Variants in AGTPBP1 observed in about 807,000 individuals in gnomAD.
AGTPBP1 encodes cytosolic carboxypeptidase 1.
AGTPBP1 carries 70 observed loss-of-function variants against 143.9 expected under a neutral mutation model. The ratio of observed to expected loss-of-function variants is 0.49; its 90% CI spans 0.40 to 0.59. The LOEUF is 0.59. AGTPBP1 is among the 20% of genes least tolerant of loss of function. AGTPBP1 has a pLI of 0.00. For missense variants in AGTPBP1, 1,229 were observed against 1,464.5 expected, an observed-to-expected ratio of 0.84 and a Z score of 2.62; for synonymous variants, 463 against 500.2, an observed-to-expected ratio of 0.93 and a Z score of 0.99.
At chr9:85,720,647 GTC>G (rs1011380238) in intron 1 of AGTPBP1, among the ~76,000 whole-genome samples, 3 of 150,986 alleles carry the variant, frequency 2.0e-5, no homozygotes, top group South Asian at 4.2e-4. Flanking sequence ...GATTTTTTGT[GTC>G]TCTCTCTCTC....
At chr9:85,726,229 CAA>C (rs142765681) in intron 1 of AGTPBP1, among the ~76,000 whole-genome samples, 1 of 123,088 alleles carries the variant, frequency 8.1e-6, no homozygotes. Flanking sequence ...GACTCTGTCT[CAA>C]AAAAAAAAAA....
chr9:85,669,633 G>C, intron 7 of AGTPBP1, 55 bp from the exon 8 acceptor site: 1 of 1,215,670 alleles, frequency 8.2e-7, no homozygotes, highest in Non-Finnish European at 1.2e-6. Flanking sequence ...AACCAAAAAT[G>C]TGTATACTTA....
At chr9:85,633,399 T>G (rs766710516) in intron 13 of AGTPBP1, 25 bp from the exon 14 acceptor site, 1 of 1,460,528 alleles carries the variant, frequency 6.8e-7, no homozygotes, top group Admixed American at 2.4e-5. Context: ...ACATGTTTAA[T>G]CTTTTAACTG....
chr9:85,771,164 A>G, the AGTPBP1 span, among the ~76,000 whole-genome samples: 1 of 152,216 alleles, frequency 6.6e-6, no homozygotes, highest in African/African-American at 2.4e-5. Flanking sequence ...ATTTATGGGA[A>G]TATCAGACAA....
chr9:85,624,913 T>C (rs1026344931), intron 14 of AGTPBP1, among the ~76,000 whole-genome samples: 3 of 152,200 alleles, frequency 2.0e-5, no homozygotes, highest in African/African-American at 2.4e-5. Context: ...ACAAGCACCT[T>C]GTTTATTTCA....
chr9:85,730,757 T>C lies in AGTPBP1; in HGVS notation c.-34+11018A>G, dbSNP rs139697115. ...GCACTCTATCTTAGTCCTGGGATAG[T>C]CACTGCTCCTTATATCTGCTATTCC... On this transcript the variant is annotated intron_variant, in intron 1 of 25. Coordinates refer to ENST00000357081, the MANE Select transcript of AGTPBP1 (RefSeq NM_001330701.2). Among the ~76,000 whole-genome samples the C allele has an allele frequency of 4.1e-3, 621 of 152,306 alleles. 4 individuals carry two copies. Among genetic ancestry groups the C allele is most frequent in the African/African-American group, 0.014 (577 of 41,578 alleles).
chr9:85,684,960 C>G (rs1587897786), intron 3 of AGTPBP1, among the ~76,000 whole-genome samples: 1 of 151,060 alleles, frequency 6.6e-6, no homozygotes. Context: ...GCAAAAGAAC[C>G]AAGTGCACAC....
At chr9:85,665,689 C>T (rs1834088317) in intron 8 of AGTPBP1, among the ~76,000 whole-genome samples, 1 of 152,100 alleles carries the variant, frequency 6.6e-6, no homozygotes, top group Non-Finnish European at 1.5e-5. Flanking sequence ...CTGACAGTTT[C>T]TAATCCTAAA....
intron 18 of AGTPBP1, among the ~76,000 whole-genome samples, chr9:85,595,455 T>G (rs770993844): frequency 3.9e-5 from 6 of 152,156 alleles, no homozygotes; most frequent in Non-Finnish European, 7.3e-5. Flanking sequence ...CCTCGAGTAC[T>G]TAGAGGTGGA....
chr9:85,758,114 C>CAA, the AGTPBP1 span, among the ~76,000 whole-genome samples: 8,795 of 152,172 alleles, frequency 0.058, 252 homozygotes, highest in Non-Finnish European at 0.064. Context: ...GCTGTTACCA[C>CAA]AAATCTTATC....
intron 2 of AGTPBP1, among the ~76,000 whole-genome samples, chr9:85,711,074 C>A (rs62570590): frequency 0.015 from 2,252 of 152,180 alleles, 25 homozygotes; most frequent in Middle Eastern, 0.037. Flanking sequence ...ACAGATTTAA[C>A]GCATACCAAT....
At chr9:85,632,073 T>C (rs1267284728) in intron 14 of AGTPBP1, among the ~76,000 whole-genome samples, 1 of 151,816 alleles carries the variant, frequency 6.6e-6, no homozygotes, top group Non-Finnish European at 1.5e-5. Context: ...CAATTTTTAC[T>C]TTTTTTTAGT....
intron 1 of AGTPBP1, among the ~76,000 whole-genome samples, chr9:85,734,871 A>C (rs1293920225): frequency 6.6e-6 from 1 of 152,046 alleles, no homozygotes; most frequent in East Asian, 1.9e-4. Context: ...GTCTCTACTA[A>C]AAATACAAAA....
At chr9:85,764,843 C>T in the AGTPBP1 span, 11 of 1,315,200 alleles carry the variant, frequency 8.4e-6, no homozygotes, top group African/African-American at 1.4e-5. Context: ...TGAAGTCCTC[C>T]AGAAAGAAAA....
chr9:85,591,800 G>A (rs1554697946), intron 19 of AGTPBP1, among the ~76,000 whole-genome samples: 1 of 151,928 alleles, frequency 6.6e-6, no homozygotes, highest in Non-Finnish European at 1.5e-5. Context: ...AATAATTTGG[G>A]AGCTTGTTTC....
intron 1 of AGTPBP1, among the ~76,000 whole-genome samples, chr9:85,726,613 G>A (rs1210670896): frequency 1.3e-5 from 2 of 152,216 alleles, no homozygotes; most frequent in Non-Finnish European, 2.9e-5. Flanking sequence ...ATCAATGGAT[G>A]TATACATGGG....
At chr9:85,767,915 C>T in the AGTPBP1 span, among the ~76,000 whole-genome samples, 2,571 of 152,260 alleles carry the variant, frequency 0.017, 76 homozygotes, top group African/African-American at 0.058. Flanking sequence ...AATGCAGATC[C>T]TCAGGCCCCA....
intron 25 of AGTPBP1, among the ~76,000 whole-genome samples, chr9:85,561,641 G>A (rs1290168350): frequency 6.6e-6 from 1 of 151,936 alleles, no homozygotes; most frequent in Non-Finnish European, 1.5e-5. Context: ...AAAAAATGAA[G>A]AGAAAAAAGA....
At chr9:85,791,996 A>G in the AGTPBP1 span, among the ~76,000 whole-genome samples, 1 of 152,194 alleles carries the variant, frequency 6.6e-6, no homozygotes, top group Non-Finnish European at 1.5e-5. Context: ...AAGAACCATG[A>G]ATGATATGCC....
Sources: allele counts gnomAD v4.1 joint callset (sites outside exome capture counted in the v4.1 genomes callset), GRCh38; gene constraint gnomAD v4.1.1; transcripts MANE v1.5; gene names NCBI Gene and HGNC (gene_info 2026-07-23, HGNC 2026-07-21).